DENND2B: variants seen among roughly 807,000 people sequenced by gnomAD.
DENND2B encodes the protein DENN domain containing 2B.
In DENND2B, 32 loss-of-function variants were observed where a neutral mutation model predicts 116.0. The ratio of observed to expected loss-of-function variants is 0.28; its 90% CI spans 0.21 to 0.37. The LOEUF is 0.37. DENND2B is among the 10% of genes least tolerant of loss of function. DENND2B has a pLI of 1.00. For missense variants in DENND2B, 1,276 were observed against 1,477.7 expected (o/e 0.86, Z 2.24); for synonymous variants, 588 against 583.9 (o/e 1.01, Z -0.10).
Position 8,710,903 on chromosome 11 carries a change from G to T in DENND2B, c.2294C>A (p.Ser765Tyr). ...PVSEYSSETFSFMLTGEDGSR... is the reference protein window; with the variant it reads ...PVSEYSSETFYFMLTGEDGSR... ...GCCATCTTCCCCAGTCAGCATGAAA[G>T]AAAAGGTCTCACTGGAACAAAGAGA... The change falls in exon 11 of 20, where the codon TCT becomes TAT. Residue 765 changes from serine to tyrosine, a missense_variant. By Grantham distance (144) the Ser-to-Tyr change is moderately radical (BLOSUM62 -2). Transcript: ENST00000313726. The T allele has an allele frequency of 6.2e-7, 1 of 1,614,090 alleles. No individual in the cohort carries two copies. Among genetic ancestry groups the T allele is most frequent in the African/African-American group, 1.3e-5 (1 of 75,032 alleles).
In DENND2B at chr11:8,707,854, G is replaced by T; in HGVS notation, c.2353C>A (p.Pro785Thr). Residue 785 changes from proline to threonine, a missense_variant and splice_region_variant, in exon 12 of 20, where the codon CCA (proline) becomes ACA (threonine). Transcript: ENST00000313726. This position sits in a 1 kb window ranked among gnomAD's most constrained non-coding sequence, Gnocchi z 4.8. ...RRFGYCRRLL[P>T]SGKGPRLPEV... The stretch of plus-strand genomic sequence containing the variant: ...GGCAACCGGGGCCCTTTCCCACTTG[G>T]CTGGGCCAGGACAAGGAGGAGGAGG... 6.2e-7 allele frequency: 1 copy of T among 1,608,074 alleles called. No homozygotes were observed. Among genetic ancestry groups the T allele is most frequent in the Non-Finnish European group, 8.5e-7 (1 of 1,177,550 alleles).
At chr11:8,821,310 TTAAC>T (rs927008310) in intron 4 of DENND2B, among the ~76,000 whole-genome samples, 6 of 151,440 alleles carry the variant, frequency 4.0e-5, no homozygotes, top group Admixed American at 2.0e-4. Context: ...TATTTAAAAA[TTAAC>T]TAGCTGGCTC....
At chr11:8,887,917 G>C (rs2134737985) in intron 1 of DENND2B, among the ~76,000 whole-genome samples, 1 of 152,026 alleles carries the variant, frequency 6.6e-6, no homozygotes, top group East Asian at 1.9e-4. Flanking sequence ...CTCCCAAATG[G>C]AACATCTTAG....
intron 4 of DENND2B, chr11:8,835,466 T>C (rs2062383205): frequency 6.6e-6 from 1 of 152,168 alleles, no homozygotes; most frequent in Non-Finnish European, 1.5e-5. Flanking sequence ...TGATCAAAGC[T>C]AGCTTTTATC....
At chr11:8,824,822 G>A (rs10840133) in intron 4 of DENND2B, among the ~76,000 whole-genome samples, 66,480 of 149,814 alleles carry the variant, frequency 0.44, 15,570 homozygotes, top group East Asian at 0.6. Context: ...CGAGTAGCTA[G>A]GACTACAGGC....
At chr11:8,727,346 G>A (rs1592786210) in intron 3 of DENND2B, among the ~76,000 whole-genome samples, 1 of 152,104 alleles carries the variant, frequency 6.6e-6, no homozygotes, top group South Asian at 2.1e-4. Flanking sequence ...TTCTTAGCTT[G>A]CCTGCCCCTG....
intron 2 of DENND2B, among the ~76,000 whole-genome samples, chr11:8,863,716 C>T (rs141040187): frequency 6.6e-6 from 1 of 152,178 alleles, no homozygotes. Context: ...GCCATTTTTC[C>T]ATGTTAACCC....
chr11:8,775,376 C>G lies in DENND2B; in HGVS notation c.-25-24651G>C, dbSNP rs557080444. On this transcript the variant is annotated intron_variant, in intron 1 of 19. Transcript: ENST00000313726. ...AAAATTTACTGTCCAAATAAGGGAG[C>G]AGTCAGTGCTAGAACAGTCAGGCTG... Among the ~76,000 whole-genome samples, 5 of 152,364 alleles carry G rather than the reference C, an allele frequency of 3.3e-5. No homozygotes were observed. In the South Asian group the frequency reaches 6.2e-4, roughly 19 times the overall value.
intron 2 of DENND2B, among the ~76,000 whole-genome samples, chr11:8,732,679 G>C (rs2048320943): frequency 6.6e-6 from 1 of 152,246 alleles, no homozygotes; most frequent in South Asian, 2.1e-4. Flanking sequence ...AGCACCATGA[G>C]CATACTTCCT....
intron 4 of DENND2B, among the ~76,000 whole-genome samples, chr11:8,834,291 G>A (rs1255640150): frequency 6.6e-6 from 1 of 152,196 alleles, no homozygotes; most frequent in Non-Finnish European, 1.5e-5. Flanking sequence ...AGTTTTCATA[G>A]ATTAGCAGCA....
At chr11:8,833,852 A>G (rs1455589567) in intron 4 of DENND2B, among the ~76,000 whole-genome samples, 1 of 152,162 alleles carries the variant, frequency 6.6e-6, no homozygotes, top group African/African-American at 2.4e-5. Flanking sequence ...AAATTGCATA[A>G]TAAGGGTCTG....
intron 2 of DENND2B, among the ~76,000 whole-genome samples, chr11:8,738,980 C>T (rs2049656937): frequency 6.6e-6 from 1 of 152,192 alleles, no homozygotes; most frequent in Non-Finnish European, 1.5e-5. Context: ...CTGCATTGCA[C>T]CAGACTGTTT....
At chr11:8,908,610 G>A (rs2653583) in intron 1 of DENND2B, among the ~76,000 whole-genome samples, 136,358 of 152,228 alleles carry the variant, frequency 0.9, 62,951 homozygotes, top group East Asian at 1. Flanking sequence ...AGCAGTTAAC[G>A]GGTATCTTAT....
At chr11:8,836,273 G>C (rs1330397419) in intron 4 of DENND2B, among the ~76,000 whole-genome samples, 1 of 151,482 alleles carries the variant, frequency 6.6e-6, no homozygotes, top group Non-Finnish European at 1.5e-5. Context: ...CTTCTGCCCA[G>C]AAATATTCTA....
intron 3 of DENND2B, among the ~76,000 whole-genome samples, chr11:8,853,515 G>C (rs1226529051): frequency 1.3e-5 from 2 of 152,168 alleles, no homozygotes; most frequent in Non-Finnish European, 2.9e-5. Context: ...AGAACTGTGA[G>C]CAATACATTT....
intron 2 of DENND2B, among the ~76,000 whole-genome samples, chr11:8,739,429 C>T (rs2049785008): frequency 6.6e-6 from 1 of 152,222 alleles, no homozygotes; most frequent in Non-Finnish European, 1.5e-5. Context: ...CCTCACACAC[C>T]AGCTGTGTGG....
At chr11:8,803,363 C>T (rs577330117) in intron 1 of DENND2B, among the ~76,000 whole-genome samples, 21 of 152,166 alleles carry the variant, frequency 1.4e-4, no homozygotes, top group Non-Finnish European at 2.5e-4. Context: ...CCAGCCTGGG[C>T]GACCGAGCGA....
In DENND2B at chr11:8,740,516, T is replaced by C. The variant is rs149989703; in HGVS notation, c.81-9307A>G. On this transcript the variant is annotated intron_variant, in intron 2 of 19. Coordinates refer to ENST00000313726, the MANE Select transcript of DENND2B (RefSeq NM_213618.2). ...CAAGTTGCTCTGCTTTTTCTGGTTA[T>C]AGGGCTACTACAAGTGTTAGTAACA... is the stretch of plus-strand genomic sequence containing the variant. Among the ~76,000 whole-genome samples the C allele has an allele frequency of 7.9e-5, 12 of 152,288 alleles. No individual in the cohort carries two copies. In the East Asian group the frequency reaches 1.9e-3, roughly 25 times the overall value.
At position 8,730,681 on chromosome 11, in the gene DENND2B, G is replaced by A. The variant is rs556365829; in HGVS notation, c.609C>T (p.Ser203=). The A allele has an allele frequency of 1.5e-4, 238 of 1,611,902 alleles. 1 individual carries two copies. Among genetic ancestry groups the A allele is most frequent in the Admixed American group, 1.7e-5 (1 of 59,944 alleles). Residue 203 remains serine, a synonymous_variant, in exon 3 of 20, where the codon AGC becomes AGT. Transcript: ENST00000313726. The surrounding 1 kb of genome is among the most constrained non-coding windows in gnomAD (Gnocchi z 4.1). ...SEWAASEGCP[S]LGCPSVVPSP... ...ACGGCACCACGCTGGGACAGCCCAG[G>A]CTGGGGCAGCCCTCACTGGCCGCCC...
Sources: gnomAD v4.1 joint callset for allele counts (sites outside exome capture counted in the v4.1 genomes callset) on GRCh38, gnomAD v4.1.1 for gene constraint, Gnocchi (gnomAD v3.1) non-coding constraint, MANE v1.5 for transcripts, NCBI Gene and HGNC (gene_info 2026-07-23, HGNC 2026-07-21) for gene names.